The following ELL variants were observed in gnomAD, a reference collection of about 807,000 sequenced individuals.
ELL encodes RNA polymerase II elongation factor ELL.
ELL carries 18 observed loss-of-function variants against 64.0 expected under a neutral mutation model. The observed-to-expected ratio is 0.28, with a 90% confidence interval of 0.19 to 0.42. The LOEUF is 0.42. Ranked by LOEUF, ELL falls within the 10% of genes least tolerant of loss-of-function variation. ELL has a pLI of 1.00. For missense variants in ELL, 797 were observed against 870.4 expected (o/e 0.92, Z 1.06); for synonymous variants, 399 against 376.2 (o/e 1.06, Z -0.70).
rs1049583496 is a variant in ELL, at chr19:18,495,859, G to A, written c.136-22977C>T. On this transcript the variant is annotated intron_variant, in intron 1 of 11. Coordinates refer to ENST00000262809, the MANE Select transcript of ELL (RefSeq NM_006532.4). The stretch of plus-strand genomic sequence containing the variant: ...GACATGGACAGCGCCAGCCAGGGCA[G>A]GCCCACTGAGGCCTCTTCTGATCTT... Among the ~76,000 whole-genome samples, 5 of 152,224 alleles carry A rather than the reference G, an allele frequency of 3.3e-5. No homozygotes were observed. In the South Asian group the frequency reaches 1.0e-3, roughly 31 times the overall value.
intron 1 of ELL, among the ~76,000 whole-genome samples, chr19:18,482,499 C>G (rs1975323324): frequency 6.6e-6 from 1 of 151,580 alleles, no homozygotes; most frequent in South Asian, 2.1e-4. Flanking sequence ...CCACACCCAG[C>G]TTATTTTTTT....
In ELL at chr19:18,465,451, G is replaced by A. The variant is rs776568135; in HGVS notation, c.430C>T (p.Arg144Ter). Residue 144 changes from arginine (R) to a stop codon, truncating the protein, a stop_gained, in exon 4 of 12, where the codon CGA becomes TGA. Coordinates refer to ENST00000262809, the MANE Select transcript of ELL (RefSeq NM_006532.4). LOFTEE classifies it high-confidence loss of function. ...CCAGCCTTGATGACAATGGCACTTC[G>A]GCTCCGCGTCTCCTCCTCCGCCTGG... is the stretch of plus-strand genomic sequence containing the variant. ...MAQAEEETRS[R>*]SAIVIKAGGR... 1.2e-6 allele frequency: 2 copies of A among 1,611,434 alleles called. No individual in the cohort carries two copies. Among genetic ancestry groups the A allele is most frequent in the Non-Finnish European group, 1.7e-6 (2 of 1,178,202 alleles).
intron 6 of ELL, among the ~76,000 whole-genome samples, chr19:18,452,257 G>A (rs185419344): frequency 1.8e-4 from 28 of 152,188 alleles, no homozygotes; most frequent in African/African-American, 6.5e-4. Flanking sequence ...CCCGGGGGCT[G>A]TGCCATCTCA....
chr19:18,503,621 G>A (rs543040969), intron 1 of ELL, among the ~76,000 whole-genome samples: 59 of 152,206 alleles, frequency 3.9e-4, no homozygotes, highest in Non-Finnish European at 6.3e-4. Context: ...GCAGAGCCAC[G>A]GCTGCTGAGC....
At chr19:18,498,378 G>A (rs1388629005) in intron 1 of ELL, among the ~76,000 whole-genome samples, 1 of 152,170 alleles carries the variant, frequency 6.6e-6, no homozygotes, top group African/African-American at 2.4e-5. Context: ...GGACCCTAGG[G>A]CAGTCGCCTC....
chr19:18,451,540 T>C lies in ELL; in HGVS notation c.966+12A>G, dbSNP rs1192648260. The C allele has an allele frequency of 1.4e-6, 2 of 1,476,032 alleles. No homozygotes were observed. Among genetic ancestry groups the C allele is most frequent in the Non-Finnish European group, 1.8e-6 (2 of 1,121,114 alleles). The allele number at this position is 1,476,032 out of a possible 1,614,324, so 91.4% of individuals were successfully genotyped here. ...GTGCTTGGGACAGTCACCCCAGGCA[T>C]GCCTCACTTACCTGTGGGGGCGAGG... On this transcript the variant is annotated intron_variant, in intron 7 of 11. Transcript: ENST00000262809.
intron 5 of ELL, among the ~76,000 whole-genome samples, chr19:18,459,901 C>T (rs907109104): frequency 5.3e-5 from 8 of 152,206 alleles, no homozygotes; most frequent in Admixed American, 3.9e-4. Flanking sequence ...CATAAACAGA[C>T]ATTACTGTGT....
At chr19:18,510,611 T>C (rs1022752225) in intron 1 of ELL, among the ~76,000 whole-genome samples, 54 of 152,282 alleles carry the variant, frequency 3.5e-4, no homozygotes, top group African/African-American at 1.2e-3. Context: ...TCAGAGGCCC[T>C]GCAGGTCCTA....
At chr19:18,463,859 A>C (rs1974883571) in intron 4 of ELL, among the ~76,000 whole-genome samples, 1 of 151,904 alleles carries the variant, frequency 6.6e-6, no homozygotes, top group Admixed American at 6.6e-5. Context: ...GGTGGCAGGC[A>C]CCTGTAGTCC....
Position 18,522,037 on chromosome 19 carries a change from C to A in ELL, c.19G>T (p.Asp7Tyr), listed in dbSNP as rs778657148. MAALKEDRSYGLSCGRV... is the reference protein window; with the variant it reads MAALKEYRSYGLSCGRV... Reference sequence around the variant, plus strand: ...CCGCACGACAGCCCGTAGCTCCTATCCTCCTTCAGCGCCGCCATCTTGCGA... The same window carrying A: ...CCGCACGACAGCCCGTAGCTCCTATACTCCTTCAGCGCCGCCATCTTGCGA... The change falls in exon 1 of 12, where the codon GAT (aspartate) becomes TAT (tyrosine). Residue 7 changes from aspartate (D) to tyrosine (Y), a missense_variant. Coordinates refer to ENST00000262809, the MANE Select transcript of ELL (RefSeq NM_006532.4). The A allele has an allele frequency of 3.1e-6, 5 of 1,606,760 alleles. No homozygotes were observed. In the Admixed American group the frequency reaches 5.0e-5, roughly 16 times the overall value.
At chr19:18,454,840 C>CAAAAAAAAAAAAAAAAAAAAAA (rs563546343) in intron 6 of ELL, among the ~76,000 whole-genome samples, 52 of 56,500 alleles carry the variant, frequency 9.2e-4, no homozygotes, top group African/African-American at 1.6e-3. Flanking sequence ...GACTCAGTCT[C>CAAAAAAAAAAAAAAAAAAAAAA]AAAAAAAAAA....
In ELL at chr19:18,505,000, C is replaced by T. The variant is rs376152180; in HGVS notation, c.135+16921G>A. 2.2e-4 allele frequency among the ~76,000 whole-genome samples: 34 copies of T among 152,364 alleles called. No individual in the cohort carries two copies. The East Asian group carries it at 5.2e-3, about 23-fold the overall frequency. On this transcript the variant is annotated intron_variant, in intron 1 of 11. Transcript: ENST00000262809. ...TCTTGCCTTGTGGAGACAACCCAGG[C>T]TTTGACTATTCTGGGCTGCCAGGGC...
chr19:18,461,742 T>C lies in ELL; in HGVS notation c.580A>G (p.Ser194Gly), dbSNP rs566417503. The change falls in exon 5 of 12, where the codon AGT becomes GGT. Residue 194 changes from serine (S) to glycine (G), a missense_variant. Ser to Gly is a moderately conservative substitution (Grantham distance 56). Coordinates refer to ENST00000262809, the MANE Select transcript of ELL (RefSeq NM_006532.4). ...LASAIRKSGA[S>G]AVSGGSGVSQ... is the part of the protein sequence containing the mutation. Reference sequence around the variant, plus strand: ...ACCCCGCTGCCCCCACTCACGGCACTGGCACCACTCTTCCTGATGGCACTC... The same window carrying C: ...ACCCCGCTGCCCCCACTCACGGCACCGGCACCACTCTTCCTGATGGCACTC... The C allele has an allele frequency of 2.5e-6, 4 of 1,613,976 alleles. No homozygotes were observed. The East Asian group carries it at 6.7e-5, about 27-fold the overall frequency.
intron 1 of ELL, 115 bp from the exon 2 acceptor site, chr19:18,472,997 G>T: frequency 7.9e-7 from 1 of 1,268,356 alleles, no homozygotes; most frequent in Non-Finnish European, 1.1e-6. Context: ...GGTGTTCTCA[G>T]GAGAGGGGAA....
At chr19:18,479,928 T>C (rs1426381065) in intron 1 of ELL, among the ~76,000 whole-genome samples, 8 of 151,804 alleles carry the variant, frequency 5.3e-5, no homozygotes, top group Admixed American at 3.9e-4. Flanking sequence ...CCCACCACCC[T>C]CCAGAAGCAC....
At chr19:18,472,776 G>A (rs1456547669) in intron 2 of ELL, 59 bp downstream of exon 2, 2 of 1,562,130 alleles carry the variant, frequency 1.3e-6, no homozygotes, top group Admixed American at 2.0e-5. Flanking sequence ...AGCAAGGACA[G>A]ACCTGAGACT....
chr19:18,503,740 C>T (rs1013642558), intron 1 of ELL, among the ~76,000 whole-genome samples: 5 of 152,166 alleles, frequency 3.3e-5, no homozygotes, highest in Non-Finnish European at 5.9e-5. Flanking sequence ...CCCAAGCACC[C>T]GCCTAGGGCT....
rs1054117407 is a variant in ELL, at chr19:18,443,669, G to A, written c.*1083C>T. The A allele has an allele frequency of 1.5e-4, 35 of 233,194 alleles. No homozygotes were observed. Among genetic ancestry groups the A allele is most frequent in the African/African-American group, 6.6e-4 (30 of 45,326 alleles). 14.4% of individuals were successfully genotyped at this position (233,194 alleles called of 1,614,324 possible). On this transcript the variant is annotated 3_prime_UTR_variant, in exon 12 of 12. Transcript: ENST00000262809. ...GGCACAGCAACAGAGCAGCAATTGG[G>A]GTGTCTGCAGAGCCTGCACCCCCAG...
intron 1 of ELL, among the ~76,000 whole-genome samples, chr19:18,503,998 G>A (rs554670934): frequency 1.3e-4 from 20 of 152,332 alleles, no homozygotes; most frequent in Non-Finnish European, 2.6e-4. Context: ...ACATCCCCCC[G>A]CCTGATCCAA....
Sources: gnomAD v4.1 joint callset for allele counts (sites outside exome capture counted in the v4.1 genomes callset) on GRCh38, gnomAD v4.1.1 for gene constraint, MANE v1.5 for transcripts, NCBI Gene and HGNC (gene_info 2026-07-23, HGNC 2026-07-21) for gene names.